Variants in SLC25A26 observed in about 807,000 individuals in gnomAD.
SLC25A26 encodes solute carrier family 25 member 26, also known as mitochondrial S-adenosylmethionine carrier protein.
Under a neutral mutation model 37.8 loss-of-function variants are expected in SLC25A26, and 36 were observed. That is an observed-to-expected ratio of 0.95 (90% CI 0.73 to 1.26). The LOEUF (loss-of-function observed/expected upper bound fraction) is 1.26, where lower values mean the gene tolerates loss of function less well. Ranked by LOEUF, SLC25A26 falls within the 50% of genes most tolerant of loss-of-function variation. SLC25A26 has a pLI of 0.00. For synonymous variants in SLC25A26, 129 were observed against 122.5 expected (o/e 1.05, Z -0.35); for missense variants, 390 against 331.1 (o/e 1.18, Z -1.38).
At chr3:66,154,585 A>G (rs2070254455) in intron 1 of SLC25A26, among the ~76,000 whole-genome samples, 1 of 142,956 alleles carries the variant, frequency 7.0e-6, no homozygotes, top group African/African-American at 2.6e-5. Flanking sequence ...TGTCACCCAG[A>G]CTGAGTGCAG....
At chr3:66,337,467 C>G (rs1033304970) in intron 5 of SLC25A26, among the ~76,000 whole-genome samples, 1 of 151,924 alleles carries the variant, frequency 6.6e-6, no homozygotes, top group South Asian at 2.1e-4. Context: ...TTATGAAATT[C>G]TCTGCATTAG....
chr3:66,224,919 A>G (rs1292319889), intron 1 of SLC25A26, among the ~76,000 whole-genome samples: 1 of 152,216 alleles, frequency 6.6e-6, no homozygotes, highest in East Asian at 1.9e-4. Context: ...AAGCTCTGAA[A>G]TCATCTCCTT....
At chr3:66,268,135 A>G (rs957649433) in intron 5 of SLC25A26, among the ~76,000 whole-genome samples, 1 of 152,212 alleles carries the variant, frequency 6.6e-6, no homozygotes, top group Non-Finnish European at 1.5e-5. Context: ...TAATGATTGC[A>G]TAGTAGTCCA....
At chr3:66,279,629 G>A (rs1459042888) in intron 5 of SLC25A26, among the ~76,000 whole-genome samples, 1 of 152,050 alleles carries the variant, frequency 6.6e-6, no homozygotes, top group African/African-American at 2.4e-5. Flanking sequence ...GGCCTCAAAT[G>A]TGTTTCACTG....
intron 7 of SLC25A26, among the ~76,000 whole-genome samples, chr3:66,367,733 C>G (rs1042083725): frequency 1.7e-3 from 249 of 147,124 alleles, no homozygotes; most frequent in Non-Finnish European, 3.2e-3. Context: ...GAGAGAGAGA[C>G]AGATAGTGTT....
intron 3 of SLC25A26, among the ~76,000 whole-genome samples, chr3:66,253,541 C>T (rs978150315): frequency 1.3e-5 from 2 of 151,852 alleles, no homozygotes; most frequent in South Asian, 2.1e-4. Flanking sequence ...AAAGATAGAG[C>T]GAGGGGCCAC....
intron 5 of SLC25A26, among the ~76,000 whole-genome samples, chr3:66,317,733 T>G (rs574117430): frequency 2.0e-5 from 3 of 152,308 alleles, no homozygotes; most frequent in South Asian, 4.1e-4. Context: ...TGCTTATCCA[T>G]GATACCACAG....
intron 5 of SLC25A26, chr3:66,293,234 T>G (rs2074777093): frequency 6.6e-6 from 1 of 152,192 alleles, no homozygotes; most frequent in Non-Finnish European, 1.5e-5. Flanking sequence ...AAGCGTTATT[T>G]TTAAAAAGTG....
chr3:66,197,343 G>A (rs2071058637), intron 1 of SLC25A26, among the ~76,000 whole-genome samples: 1 of 152,136 alleles, frequency 6.6e-6, no homozygotes, highest in African/African-American at 2.4e-5. Context: ...GGGTAAGGGT[G>A]AGTGTCAAGG....
chr3:66,242,910 T>C (rs1293634804), intron 2 of SLC25A26, among the ~76,000 whole-genome samples: 2 of 152,218 alleles, frequency 1.3e-5, no homozygotes, highest in East Asian at 1.9e-4. Flanking sequence ...AAGTTGACTT[T>C]AAAAATGTAT....
chr3:66,368,751 T>C (rs1700171932), intron 7 of SLC25A26, among the ~76,000 whole-genome samples: 1 of 152,040 alleles, frequency 6.6e-6, no homozygotes. Flanking sequence ...GGCGTGGTGG[T>C]TCATGCCTGT....
At chr3:66,293,278 G>A (rs2107519961) in intron 5 of SLC25A26, 1 of 152,108 alleles carries the variant, frequency 6.6e-6, no homozygotes, top group Non-Finnish European at 1.5e-5. Flanking sequence ...TTTTTTACTT[G>A]TACTTTGAAT....
At chr3:66,186,001 C>T (rs2070819241) in intron 1 of SLC25A26, among the ~76,000 whole-genome samples, 1 of 152,034 alleles carries the variant, frequency 6.6e-6, no homozygotes, top group South Asian at 2.1e-4. Context: ...TGACCCTGAC[C>T]CTCACCATGA....
chr3:66,205,185 A>G (rs980068464), intron 1 of SLC25A26, among the ~76,000 whole-genome samples: 6 of 152,236 alleles, frequency 3.9e-5, no homozygotes, highest in Admixed American at 1.3e-4. Flanking sequence ...TGCATGTACT[A>G]TATTAATTTC....
intron 5 of SLC25A26, among the ~76,000 whole-genome samples, chr3:66,279,899 A>T (rs577980523): frequency 2.8e-4 from 42 of 152,160 alleles, no homozygotes; most frequent in Admixed American, 2.1e-3. Context: ...CTAAGTTAAA[A>T]ATCACTTCGG....
At chr3:66,354,597 G>A (rs1235262694) in intron 6 of SLC25A26, among the ~76,000 whole-genome samples, 1 of 152,100 alleles carries the variant, frequency 6.6e-6, no homozygotes, top group East Asian at 1.9e-4. Flanking sequence ...TAGTTAAAAT[G>A]TCTACCACCA....
intron 5 of SLC25A26, among the ~76,000 whole-genome samples, chr3:66,298,827 T>G (rs1294720280): frequency 6.6e-6 from 1 of 152,216 alleles, no homozygotes; most frequent in Non-Finnish European, 1.5e-5. Context: ...GGAGAATTGC[T>G]TTCATCTTTG....
Position 66,221,128 on chromosome 3 carries a change from G to A in SLC25A26, c.33+1G>A, listed in dbSNP as rs781798317. 15 of 1,529,662 alleles carry A rather than the reference G, an allele frequency of 9.8e-6. No homozygotes were observed. The highest frequency in any genetic ancestry group is 4.0e-5 in the Admixed American group (2 of 49,524). 94.8% of individuals were successfully genotyped at this position (1,529,662 alleles called of 1,614,324 possible). A position where few individuals can be genotyped will look rare whatever the true frequency, so the allele number is the denominator to read the frequency against. ...GCCGGGGTTCGTGGCAGCGCTGGTG[G>A]TGAGTGCGGGGCGGTGGGGTGGGTT... On this transcript the variant is annotated splice_donor_variant, in intron 1 of 9. Transcript: ENST00000354883. LOFTEE classifies it high-confidence loss of function.
intron 1 of SLC25A26, among the ~76,000 whole-genome samples, chr3:66,149,138 T>C (rs137964624): frequency 2.4e-4 from 37 of 152,202 alleles, no homozygotes; most frequent in African/African-American, 6.0e-4. Context: ...CCATGACCCA[T>C]TGGGGCCACT....
Sources: allele counts gnomAD v4.1 joint callset (sites outside exome capture counted in the v4.1 genomes callset), GRCh38; gene constraint gnomAD v4.1.1; transcripts MANE v1.5; gene names NCBI Gene and HGNC (gene_info 2026-07-23, HGNC 2026-07-21).